GSDME: variants seen among roughly 807,000 people sequenced by gnomAD.
GSDME encodes gasdermin E, also known as gasdermin-E.
A neutral mutation model predicts 47.5 loss-of-function variants in GSDME; 44 were observed. The observed-to-expected ratio is 0.93, with a 90% CI of 0.73 to 1.19. The LOEUF (loss-of-function observed/expected upper bound fraction) is 1.19, where lower values mean the gene tolerates loss of function less well. GSDME is among the 50% of genes most tolerant of loss of function. The probability of loss-of-function intolerance (pLI) is 0.00; values close to 1 mark genes in which losing one functional copy is unlikely to be tolerated. For synonymous variants in GSDME, 258 were observed against 252.8 expected (o/e 1.02, Z -0.20); for missense variants, 663 against 604.2 (o/e 1.10, Z -1.02).
rs78961348 is a variant in GSDME at position 24,744,214 on chromosome 7, A to G, written c.404+348T>C. ...TTTTTCATCAGAAAATTATAGAGCCAGAGGGGGGTCATGACTTCCTGGCTT... is the reference window on the plus strand; with the variant it reads ...TTTTTCATCAGAAAATTATAGAGCCGGAGGGGGGTCATGACTTCCTGGCTT... On this transcript the variant is annotated intron_variant, in intron 3 of 9. Transcript: ENST00000645220. This position sits in a 1 kb window ranked among gnomAD's most constrained non-coding sequence, Gnocchi z 4.5. 33 of 265,690 alleles carry G rather than the reference A, an allele frequency of 1.2e-4. 1 individual carries two copies. In the East Asian group the frequency reaches 3.0e-3, roughly 24 times the overall value. The allele number at this position is 265,690 out of a possible 1,614,324, so 16.5% of individuals were successfully genotyped here.
At chr7:24,717,617 G>A (rs923968626) in intron 4 of GSDME, among the ~76,000 whole-genome samples, 8 of 152,152 alleles carry the variant, frequency 5.3e-5, no homozygotes, top group African/African-American at 7.2e-5. Flanking sequence ...TAGAGCGTGG[G>A]ATACAGTGAA....
rs1028550611 is a variant in GSDME, at chr7:24,756,158, G to A, written c.-20+1238C>T. Among the ~76,000 whole-genome samples the A allele has an allele frequency of 3.0e-4, 46 of 152,332 alleles. No homozygotes were observed. Among genetic ancestry groups the A allele is most frequent in the Middle Eastern group, 3.4e-3 (1 of 294 alleles). ...GAGCTCGAAAGGAGAAGGAGAGTGA[G>A]GCGCCAAAGGCTTTGGGGAAGTGGA... On this transcript the variant is annotated intron_variant, in intron 1 of 9. Transcript: ENST00000645220. This position sits in a 1 kb window ranked among gnomAD's most constrained non-coding sequence, Gnocchi z 4.2.
rs1790307049 is a variant in GSDME at position 24,736,370 on chromosome 7, CTATATT to C, written c.404+8186_404+8191del. On this transcript the variant is annotated intron_variant, in intron 3 of 9. Coordinates refer to ENST00000645220, the MANE Select transcript of GSDME (RefSeq NM_001127453.2). The surrounding 1 kb of genome is among the most constrained non-coding windows in gnomAD (Gnocchi z 4.6). ...ACAGGCAAAAAAACAGCAGGAGTAA[CTATATT>C]TATGTCAGACAAAATCGATTTCAAG... Among the ~76,000 whole-genome samples, 1 of 152,022 alleles carries C rather than the reference CTATATT, an allele frequency of 6.6e-6. No homozygotes were observed. Among genetic ancestry groups the C allele is most frequent in the African/African-American group, 2.4e-5 (1 of 41,382 alleles).
chr7:24,706,021 T>C (rs948569801), intron 8 of GSDME, 163 bp downstream of exon 8: 29 of 856,044 alleles, frequency 3.4e-5, no homozygotes, highest in Non-Finnish European at 5.1e-5. Flanking sequence ...AAGGGGGGTT[T>C]CCCATCAGCC....
upstream of GSDME, among the ~76,000 whole-genome samples, chr7:24,758,389 A>G (rs1791107679): frequency 6.6e-6 from 1 of 152,226 alleles, no homozygotes; most frequent in South Asian, 2.1e-4. This position sits in a 1 kb window ranked among gnomAD's most constrained non-coding sequence, Gnocchi z 4.6. Flanking sequence ...GACTGGCAAT[A>G]GAAGTTTTTC....
rs1789910794 is a variant in GSDME, at chr7:24,724,724, C to T, written c.405-5506G>A. 1 of 152,274 alleles carries T rather than the reference C, an allele frequency of 6.6e-6. No individual in the cohort carries two copies. The highest frequency in any genetic ancestry group is 2.1e-4 in the South Asian group (1 of 4,822). The allele number at this position is 152,274 out of a possible 1,614,324, so 9.4% of individuals were successfully genotyped here. ...ATAACACAAAGACCTGGAGTCATCCCGGAATCGGTTCCCTGCTCCAATGTG... is the reference window on the plus strand; with the variant it reads ...ATAACACAAAGACCTGGAGTCATCCTGGAATCGGTTCCCTGCTCCAATGTG... On this transcript the variant is annotated intron_variant, in intron 3 of 9. Transcript: ENST00000645220. The surrounding 1 kb of genome is among the most constrained non-coding windows in gnomAD (Gnocchi z 4.8).
intron 2 of GSDME, among the ~76,000 whole-genome samples, chr7:24,748,359 C>T (rs926473289): frequency 6.6e-6 from 1 of 151,810 alleles, no homozygotes; most frequent in Non-Finnish European, 1.5e-5. Flanking sequence ...GGGGTTTCAC[C>T]ATGTTGGCCA....
chr7:24,744,679 A>T lies in GSDME; in HGVS notation c.287T>A (p.Leu96Gln). The part of the protein sequence containing the change: ...NHVSGTLETA[L>Q]GKVKLNLGGS... ...CCCCAGGTTCAGCTTGACCTTCCCC[A>T]GTGCAGTCTCCAGGGTTCCACTCAC... Residue 96 changes from leucine to glutamine, a missense_variant, in exon 3 of 10, where the codon CTG becomes CAG. Transcript: ENST00000645220. This position sits in a 1 kb window ranked among gnomAD's most constrained non-coding sequence, Gnocchi z 4.5. 6.2e-7 allele frequency: 1 copy of T among 1,614,134 alleles called. No homozygotes were observed. The highest frequency in any genetic ancestry group is 8.5e-7 in the Non-Finnish European group (1 of 1,180,032).
At chr7:24,743,333 TTTCTC>T (rs1790547721) in intron 3 of GSDME, among the ~76,000 whole-genome samples, 1 of 152,170 alleles carries the variant, frequency 6.6e-6, no homozygotes, top group Non-Finnish European at 1.5e-5. Flanking sequence ...ACAAGTGAAT[TTTCTC>T]TTAATTTATT....
At chr7:24,789,890 G>GT in the GSDME span, among the ~76,000 whole-genome samples, 2 of 152,172 alleles carry the variant, frequency 1.3e-5, no homozygotes, top group Admixed American at 1.3e-4. Context: ...AGCGATGAAG[G>GT]TTTTTTATCA....
rs1790625688 is a variant in GSDME at position 24,745,086 on chromosome 7, C to G, written c.212-332G>C. Among the ~76,000 whole-genome samples the G allele has an allele frequency of 6.6e-6, 1 of 151,876 alleles. No homozygotes were observed. The highest frequency in any genetic ancestry group is 1.9e-4 in the East Asian group (1 of 5,174). On this transcript the variant is annotated intron_variant, in intron 2 of 9. Transcript: ENST00000645220. The surrounding 1 kb of genome is among the most constrained non-coding windows in gnomAD (Gnocchi z 4.4). ...GACCAGGGCTCCACTAGAAGCTTTT[C>G]TCTTTCATTGGTTTTCAATCCCAAT...
chr7:24,770,556 A>G, the GSDME span, among the ~76,000 whole-genome samples: 1 of 152,192 alleles, frequency 6.6e-6, no homozygotes, highest in Non-Finnish European at 1.5e-5. The surrounding 1 kb of genome is among the most constrained non-coding windows in gnomAD (Gnocchi z 4.6). Context: ...TGTGGGGTCT[A>G]TGCTAACTCT....
Position 24,714,754 on chromosome 7 carries a change from G to A in GSDME, c.697+2500C>T, listed in dbSNP as rs113818786. ...AGAGAGGCTACCTCCACAGAGCTGC[G>A]TCAGGGCAGGGTCTGGTCACCTCCT... On this transcript the variant is annotated intron_variant, in intron 5 of 9. Coordinates refer to ENST00000645220, the MANE Select transcript of GSDME (RefSeq NM_001127453.2). This position sits in a 1 kb window ranked among gnomAD's most constrained non-coding sequence, Gnocchi z 5.0. 1.1e-3 allele frequency among the ~76,000 whole-genome samples: 170 copies of A among 152,300 alleles called. No individual in the cohort carries two copies. Among genetic ancestry groups the A allele is most frequent in the Middle Eastern group, 3.4e-3 (1 of 294 alleles).
At chr7:24,701,623 G>A (rs1436908933) in intron 9 of GSDME, among the ~76,000 whole-genome samples, 2 of 152,230 alleles carry the variant, frequency 1.3e-5, no homozygotes, top group Non-Finnish European at 2.9e-5. Flanking sequence ...TGAAAGCAGA[G>A]CTGTTGTTTT....
chr7:24,722,600 G>A (rs1391921311), intron 3 of GSDME, among the ~76,000 whole-genome samples: 1 of 152,150 alleles, frequency 6.6e-6, no homozygotes, highest in Non-Finnish European at 1.5e-5. Context: ...CCGCCTTTAG[G>A]AGTCTGATGT....
upstream of GSDME, among the ~76,000 whole-genome samples, chr7:24,759,914 C>A (rs1791141174): frequency 6.6e-6 from 1 of 152,146 alleles, no homozygotes. Flanking sequence ...GTTAAATAGA[C>A]TATTTGAAGA....
chr7:24,698,676 CAG>C lies in GSDME; in HGVS notation c.*348_*349del. ...AAAAAGACCTTTTGGATTAAAGGGTCAGACTCTTTCTATGTAACAAAAAGTGG... is the reference window on the plus strand; with the variant it reads ...AAAAAGACCTTTTGGATTAAAGGGTCACTCTTTCTATGTAACAAAAAGTGG... On this transcript the variant is annotated 3_prime_UTR_variant, in exon 10 of 10. Transcript: ENST00000645220. 2 of 349,860 alleles carry C rather than the reference CAG, an allele frequency of 5.7e-6. No homozygotes were observed. Among genetic ancestry groups the C allele is most frequent in the South Asian group, 5.1e-5 (2 of 39,498 alleles). 21.7% of individuals were successfully genotyped at this position (349,860 alleles called of 1,614,324 possible).
Position 24,716,885 on chromosome 7 carries a change from T to C in GSDME, c.697+369A>G. On this transcript the variant is annotated intron_variant, in intron 5 of 9. Transcript: ENST00000645220. This position sits in a 1 kb window ranked among gnomAD's most constrained non-coding sequence, Gnocchi z 4.5. ...ACAGGGAAGCCAAGACTCAGCAAGA[T>C]TCAGCAACTTGCCTGAGACCTCATA... 3.1e-6 allele frequency: 1 copy of C among 322,644 alleles called. No homozygotes were observed. Among genetic ancestry groups the C allele is most frequent in the Non-Finnish European group, 6.1e-6 (1 of 164,296 alleles). 20.0% of individuals were successfully genotyped at this position (322,644 alleles called of 1,614,324 possible). A position where few individuals can be genotyped will look rare whatever the true frequency, so the allele number is the denominator to read the frequency against.
At chr7:24,792,137 C>T in the GSDME span, among the ~76,000 whole-genome samples, 8 of 152,210 alleles carry the variant, frequency 5.3e-5, no homozygotes, top group Admixed American at 1.3e-4. Flanking sequence ...AACATGCCAA[C>T]GGTATATTTG....
Sources: gnomAD v4.1 joint callset for allele counts (sites outside exome capture counted in the v4.1 genomes callset) on GRCh38, gnomAD v4.1.1 for gene constraint, Gnocchi (gnomAD v3.1) non-coding constraint, MANE v1.5 for transcripts, NCBI Gene and HGNC (gene_info 2026-07-23, HGNC 2026-07-21) for gene names.